Variants in UBXN2A observed in about 807,000 individuals in gnomAD.
UBXN2A encodes the protein UBX domain-containing protein 2A.
Under a neutral mutation model 28.4 loss-of-function variants are expected in UBXN2A, and 28 were observed. That is an observed-to-expected ratio of 0.99 (90% CI 0.73 to 1.35). The LOEUF is 1.35. Among genes scored for constraint, UBXN2A ranks in the 40% most tolerant of loss-of-function variants. The pLI is 0.00. For missense variants in UBXN2A, 253 were observed against 297.9 expected, an observed-to-expected ratio of 0.85 and a Z score of 1.11; for synonymous variants, 97 against 103.6, an observed-to-expected ratio of 0.94 and a Z score of 0.39.
chr2:23,972,139 C>T (rs1558296534), intron 3 of UBXN2A, among the ~76,000 whole-genome samples: 2 of 152,048 alleles, frequency 1.3e-5, no homozygotes, highest in African/African-American at 4.8e-5. Context: ...TAACTGTGTT[C>T]ACTTTGCACT....
At chr2:23,947,736 C>A (rs146034298) in intron 1 of UBXN2A, among the ~76,000 whole-genome samples, 1 of 152,232 alleles carries the variant, frequency 6.6e-6, no homozygotes, top group African/African-American at 2.4e-5. Context: ...CCTTATTAGT[C>A]CATAAAATTG....
At chr2:23,983,080 A>G in intron 5 of UBXN2A, 47 bp downstream of exon 5, 1 of 1,485,306 alleles carries the variant, frequency 6.7e-7, no homozygotes, top group Middle Eastern at 1.8e-4. Context: ...GGCTTAACTA[A>G]TATTCTGTCT....
At chr2:23,933,880 T>G (rs1052241686) in intron 1 of UBXN2A, among the ~76,000 whole-genome samples, 2 of 151,000 alleles carry the variant, frequency 1.3e-5, no homozygotes, top group Non-Finnish European at 2.9e-5. Context: ...TTAAGAGCCA[T>G]GAAACATTTG....
At chr2:23,945,169 G>T (rs1201310475) in intron 1 of UBXN2A, among the ~76,000 whole-genome samples, 1 of 152,072 alleles carries the variant, frequency 6.6e-6, no homozygotes, top group African/African-American at 2.4e-5. Context: ...GAATGTCTTG[G>T]TCAGCCCTGG....
chr2:23,980,320 G>A (rs554296582), intron 4 of UBXN2A, among the ~76,000 whole-genome samples: 1 of 152,098 alleles, frequency 6.6e-6, no homozygotes, highest in Non-Finnish European at 1.5e-5. Context: ...ATCTAGGAGT[G>A]GAATTGTTAA....
intron 4 of UBXN2A, among the ~76,000 whole-genome samples, chr2:23,981,326 A>G (rs1249042776): frequency 1.4e-5 from 2 of 147,178 alleles, no homozygotes; most frequent in Non-Finnish European, 3.0e-5. Context: ...AAAAAAACCT[A>G]AAAAAATCAC....
chr2:23,978,472 TCTCTA>T (rs1707764175), intron 4 of UBXN2A, among the ~76,000 whole-genome samples: 4 of 151,316 alleles, frequency 2.6e-5, no homozygotes, highest in African/African-American at 9.7e-5. Flanking sequence ...TGAAACTCTG[TCTCTA>T]CTGAAAATAC....
At chr2:23,992,421 G>A (rs1573608523) in intron 6 of UBXN2A, among the ~76,000 whole-genome samples, 2 of 152,316 alleles carry the variant, frequency 1.3e-5, no homozygotes, top group South Asian at 2.1e-4. Flanking sequence ...ATAAATTAAG[G>A]GGAACTTAGC....
chr2:23,965,120 G>T (rs921921634), intron 2 of UBXN2A, among the ~76,000 whole-genome samples: 5 of 152,032 alleles, frequency 3.3e-5, no homozygotes, highest in African/African-American at 9.7e-5. Context: ...GGCTCAAGGG[G>T]TCCTCCCACC....
rs111777267 is a variant in UBXN2A at position 24,002,416 on chromosome 2, C to CT, written c.*2561dup. The CT allele has an allele frequency of 0.19, 28,478 of 146,534 alleles. 2,787 individuals carry two copies. Among genetic ancestry groups the CT allele is most frequent in the Middle Eastern group, 0.27 (76 of 286 alleles). 9.1% of individuals were successfully genotyped at this position (146,534 alleles called of 1,614,324 possible). On this transcript the variant is annotated 3_prime_UTR_variant, in exon 7 of 7. Coordinates refer to ENST00000309033, the MANE Select transcript of UBXN2A (RefSeq NM_181713.4). ...TAAGACCCTGCCGTAATAATAATAA[C>CT]TTTTTTTTTTTTGAGATAGAGTTTT...
intron 6 of UBXN2A, among the ~76,000 whole-genome samples, chr2:23,985,606 T>G (rs1708094871): frequency 6.6e-6 from 1 of 151,176 alleles, no homozygotes; most frequent in South Asian, 2.1e-4. Context: ...TAGACAGTTT[T>G]TTTTTTTTTT....
chr2:23,966,956 G>A (rs879898168), intron 2 of UBXN2A, among the ~76,000 whole-genome samples: 28 of 151,010 alleles, frequency 1.9e-4, no homozygotes, highest in Non-Finnish European at 3.5e-4. Context: ...ATGGGATTTC[G>A]CCATGTTGCC....
rs550917260 is a variant in UBXN2A, at chr2:23,969,461, C to G, written c.42-1815C>G. ...CACTGTGACCTCCACCTCCCAGGTT[C>G]AAGTGATTCTCCTGCCTCAGCCTCC... is the stretch of plus-strand genomic sequence containing the variant. On this transcript the variant is annotated intron_variant, in intron 2 of 6. Coordinates refer to ENST00000309033, the MANE Select transcript of UBXN2A (RefSeq NM_181713.4). Among the ~76,000 whole-genome samples, 20 of 152,224 alleles carry G rather than the reference C, an allele frequency of 1.3e-4. No homozygotes were observed. In the South Asian group the frequency reaches 4.1e-3, roughly 32 times the overall value.
chr2:23,939,191 C>G (rs1474578769), upstream of UBXN2A, among the ~76,000 whole-genome samples: 1 of 151,972 alleles, frequency 6.6e-6, no homozygotes, highest in East Asian at 1.9e-4. Flanking sequence ...GGGTGGAGAA[C>G]TATTGCAATA....
At chr2:23,943,671 G>T (rs1262667596) in intron 1 of UBXN2A, among the ~76,000 whole-genome samples, 3 of 151,914 alleles carry the variant, frequency 2.0e-5, no homozygotes, top group Non-Finnish European at 2.9e-5. Context: ...ATTTTTAGTA[G>T]AGAGAGACAG....
intron 2 of UBXN2A, among the ~76,000 whole-genome samples, chr2:23,970,662 G>A (rs893117087): frequency 1.3e-5 from 2 of 151,928 alleles, no homozygotes; most frequent in Admixed American, 1.3e-4. Context: ...ACATTGTAGT[G>A]TATAATGAAA....
chr2:23,961,218 C>G (rs979688134), intron 2 of UBXN2A, among the ~76,000 whole-genome samples: 4 of 151,868 alleles, frequency 2.6e-5, no homozygotes, highest in Admixed American at 1.3e-4. Context: ...GCCTCAGCCT[C>G]CCAAGTAGCT....
intron 6 of UBXN2A, among the ~76,000 whole-genome samples, chr2:23,989,124 G>A (rs553057445): frequency 3.1e-4 from 47 of 151,872 alleles, no homozygotes; most frequent in African/African-American, 1.1e-3. Flanking sequence ...ACACACACAC[G>A]CCAAAAAGAA....
At position 24,004,041 on chromosome 2, in the gene UBXN2A, C is replaced by A. The variant is rs536766369; in HGVS notation, c.*4174C>A. 1.2e-4 allele frequency: 19 copies of A among 152,252 alleles called. No individual in the cohort carries two copies. The highest frequency in any genetic ancestry group is 4.3e-4 in the African/African-American group (18 of 41,560). The allele number at this position is 152,252 out of a possible 1,614,324, so 9.4% of individuals were successfully genotyped here. On this transcript the variant is annotated 3_prime_UTR_variant, in exon 7 of 7. Transcript: ENST00000309033. ...TGTAGAATACATCCCAGTAAGGGTCCTATGGAGAAAGACCTGTTGTCATCA... is the reference window on the plus strand; with the variant it reads ...TGTAGAATACATCCCAGTAAGGGTCATATGGAGAAAGACCTGTTGTCATCA...
Sources: allele counts gnomAD v4.1 joint callset (sites outside exome capture counted in the v4.1 genomes callset), GRCh38; gene constraint gnomAD v4.1.1; transcripts MANE v1.5; gene names NCBI Gene and HGNC (gene_info 2026-07-23, HGNC 2026-07-21).